LRP1B: variants seen among roughly 807,000 people sequenced by gnomAD.
LRP1B encodes LDL receptor related protein 1B.
Under a neutral mutation model 556.6 loss-of-function variants are expected in LRP1B, and 217 were observed. The ratio of observed to expected loss-of-function variants is 0.39; its 90% CI spans 0.35 to 0.44. LRP1B has a LOEUF of 0.44. Among genes scored for constraint, LRP1B ranks in the 20% least tolerant of loss-of-function variants. The probability of loss-of-function intolerance (pLI) is 1.00; values close to 1 mark genes in which losing one functional copy is unlikely to be tolerated. For synonymous variants in LRP1B, 2,047 were observed against 1,865.8 expected, an observed-to-expected ratio of 1.10 and a Z score of -2.50; for missense variants, 5,053 against 5,620.8, an observed-to-expected ratio of 0.90 and a Z score of 3.23.
intron 18 of LRP1B, among the ~76,000 whole-genome samples, chr2:140,981,687 T>C (rs1696773521): frequency 6.6e-6 from 1 of 152,186 alleles, no homozygotes; most frequent in Non-Finnish European, 1.5e-5. Flanking sequence ...CATACGACTC[T>C]ACGGAAATGA....
At chr2:141,469,804 T>C (rs576798872) in intron 3 of LRP1B, among the ~76,000 whole-genome samples, 11 of 152,302 alleles carry the variant, frequency 7.2e-5, no homozygotes, top group Non-Finnish European at 1.5e-4. Flanking sequence ...TTATTCAATG[T>C]TTCACTTTCC....
chr2:141,044,677 C>G (rs1166829056), intron 11 of LRP1B, among the ~76,000 whole-genome samples: 3 of 151,816 alleles, frequency 2.0e-5, no homozygotes, highest in Non-Finnish European at 4.4e-5. Context: ...AAATGCTCAT[C>G]ATCACTGGCC....
At chr2:140,651,554 CAGA>C (rs1303946871) in intron 41 of LRP1B, among the ~76,000 whole-genome samples, 1 of 135,260 alleles carries the variant, frequency 7.4e-6, no homozygotes, top group Non-Finnish European at 1.6e-5. Flanking sequence ...AAAGAATGGG[CAGA>C]AGTTCATCTT....
intron 66 of LRP1B, among the ~76,000 whole-genome samples, chr2:140,437,238 T>C (rs1267959639): frequency 6.6e-6 from 1 of 152,144 alleles, no homozygotes; most frequent in Non-Finnish European, 1.5e-5. Flanking sequence ...ACTGTGTGGA[T>C]AGAAGGTCCT....
Position 141,187,356 on chromosome 2 carries a change from C to CT in LRP1B, c.1013+1064_1013+1065insA, listed in dbSNP as rs1681306889. ...CTTTAAGTAAAGAGTGACGAAAGTC[C>CT]ACATATGGATGACAGCTGTTTCTTC... On this transcript the variant is annotated intron_variant, in intron 7 of 90. Transcript: ENST00000389484. 4.6e-5 allele frequency among the ~76,000 whole-genome samples: 7 copies of CT among 152,152 alleles called. No individual in the cohort carries two copies. In the South Asian group the frequency reaches 1.5e-3, roughly 32 times the overall value.
intron 5 of LRP1B, among the ~76,000 whole-genome samples, chr2:141,233,369 T>C (rs1683541986): frequency 6.6e-6 from 1 of 152,214 alleles, no homozygotes; most frequent in Non-Finnish European, 1.5e-5. Flanking sequence ...CCTTGTATGT[T>C]GACAGACCTA....
At chr2:141,445,118 C>A (rs1026610867) in intron 3 of LRP1B, among the ~76,000 whole-genome samples, 1 of 152,172 alleles carries the variant, frequency 6.6e-6, no homozygotes. Context: ...TGGTATTGGT[C>A]TATTCAGGGA....
chr2:141,916,962 G>A (rs550295826), intron 1 of LRP1B, among the ~76,000 whole-genome samples: 1 of 152,050 alleles, frequency 6.6e-6, no homozygotes, highest in East Asian at 1.9e-4. Flanking sequence ...GCATCATAAG[G>A]GAATAAATTT....
intron 2 of LRP1B, among the ~76,000 whole-genome samples, chr2:141,641,201 A>G (rs587339): frequency 0.6 from 90,555 of 151,610 alleles, 27,249 homozygotes; most frequent in African/African-American, 0.66. Context: ...TGGGTAGCTC[A>G]GTTGGTTACA....
intron 2 of LRP1B, among the ~76,000 whole-genome samples, chr2:141,632,248 A>G (rs572266503): frequency 6.6e-6 from 1 of 152,266 alleles, no homozygotes; most frequent in Admixed American, 6.5e-5. Context: ...AACTCATATA[A>G]TAATTTATCT....
chr2:141,249,590 C>CAA (rs1403935066), intron 4 of LRP1B, among the ~76,000 whole-genome samples: 1 of 149,806 alleles, frequency 6.7e-6, no homozygotes, highest in Non-Finnish European at 1.5e-5. Context: ...GGCTCTGTCT[C>CAA]AAAATAAAAT....
chr2:140,773,536 A>C (rs1170818470), intron 33 of LRP1B, among the ~76,000 whole-genome samples: 2 of 151,976 alleles, frequency 1.3e-5, no homozygotes, highest in Non-Finnish European at 2.9e-5. Flanking sequence ...AAAATACGTG[A>C]AAAAAAGGAC....
At position 140,748,262 on chromosome 2, in the gene LRP1B, T is replaced by C. The variant is rs1688397123; in HGVS notation, c.5758+20951A>G. ...AAATATATATTCATATATGTATATA[T>C]TTTCATATTTAATATATGTTCATAT... is the stretch of plus-strand genomic sequence containing the variant. On this transcript the variant is annotated intron_variant, in intron 35 of 90. Transcript: ENST00000389484. Among the ~76,000 whole-genome samples the C allele has an allele frequency of 2.7e-5, 3 of 112,458 alleles. No homozygotes were observed. In the South Asian group the frequency reaches 8.6e-4, roughly 32 times the overall value. 73.8% of individuals were successfully genotyped at this position (112,458 alleles called of 152,430 possible).
At chr2:141,461,648 A>G (rs2105043744) in intron 3 of LRP1B, among the ~76,000 whole-genome samples, 1 of 152,320 alleles carries the variant, frequency 6.6e-6, no homozygotes, top group Non-Finnish European at 1.5e-5. Context: ...TAAAATATAA[A>G]CAAAGCAACC....
chr2:141,075,449 T>G (rs921978276), intron 7 of LRP1B, among the ~76,000 whole-genome samples: 2 of 152,152 alleles, frequency 1.3e-5, no homozygotes, highest in South Asian at 4.1e-4. Context: ...ATACAAAGAA[T>G]GGAGTTTATG....
At chr2:141,085,517 G>A (rs780618852) in intron 7 of LRP1B, among the ~76,000 whole-genome samples, 20 of 152,166 alleles carry the variant, frequency 1.3e-4, no homozygotes, top group Non-Finnish European at 2.2e-4. Context: ...GAAAGACCAC[G>A]TGAGGACATG....
intron 1 of LRP1B, among the ~76,000 whole-genome samples, chr2:141,939,774 A>G (rs188863366): frequency 1.3e-5 from 2 of 152,190 alleles, no homozygotes; most frequent in East Asian, 3.9e-4. Flanking sequence ...TGAAATCAGC[A>G]TTGTTAGGTG....
intron 84 of LRP1B, among the ~76,000 whole-genome samples, chr2:140,291,314 ATATATT>A (rs1207565772): frequency 4.1e-4 from 27 of 65,114 alleles, no homozygotes; most frequent in Middle Eastern, 0.01. Flanking sequence ...ATATATATAT[ATATATT>A]TTTATTATAC....
At chr2:141,849,717 A>G (rs1191274207) in intron 1 of LRP1B, among the ~76,000 whole-genome samples, 1 of 151,668 alleles carries the variant, frequency 6.6e-6, no homozygotes. Context: ...GGTTCTATAC[A>G]TATGTAGAGC....
Sources: allele counts gnomAD v4.1 joint callset (sites outside exome capture counted in the v4.1 genomes callset), GRCh38; gene constraint gnomAD v4.1.1; transcripts MANE v1.5; gene names NCBI Gene and HGNC (gene_info 2026-07-23, HGNC 2026-07-21).